The following PTPRK variants were observed in gnomAD, a reference collection of about 807,000 sequenced individuals.
PTPRK encodes receptor-type tyrosine-protein phosphatase kappa.
A neutral mutation model predicts 178.0 loss-of-function variants in PTPRK; 75 were observed. The ratio of observed to expected loss-of-function variants is 0.42; its 90% confidence interval spans 0.35 to 0.51. The LOEUF (loss-of-function observed/expected upper bound fraction) is 0.51, where lower values mean the gene tolerates loss of function less well. PTPRK is among the 20% of genes least tolerant of loss of function. The pLI is 0.02. For synonymous variants in PTPRK, 637 were observed against 620.6 expected, an observed-to-expected ratio of 1.03 and a Z score of -0.39; for missense variants, 1,441 against 1,797.8, an observed-to-expected ratio of 0.80 and a Z score of 3.59.
chr6:128,156,985 A>C (rs1226676466), intron 7 of PTPRK, among the ~76,000 whole-genome samples: 1 of 152,010 alleles, frequency 6.6e-6, no homozygotes, highest in Non-Finnish European at 1.5e-5. Flanking sequence ...AAATGGGTAT[A>C]ATAATAACTT....
chr6:128,064,174 T>G (rs1032645317), intron 13 of PTPRK, among the ~76,000 whole-genome samples: 1 of 152,172 alleles, frequency 6.6e-6, no homozygotes, highest in Non-Finnish European at 1.5e-5. Context: ...GATGCAAATG[T>G]TTTCTCTTGT....
intron 10 of PTPRK, among the ~76,000 whole-genome samples, chr6:128,079,808 A>G (rs60472422): frequency 0.025 from 3,799 of 152,198 alleles, 149 homozygotes; most frequent in African/African-American, 0.086. Context: ...CAAACAAAAA[A>G]TTATAGCAAA....
At chr6:128,210,397 A>G (rs1807904019) in intron 6 of PTPRK, among the ~76,000 whole-genome samples, 1 of 128,650 alleles carries the variant, frequency 7.8e-6, no homozygotes, top group African/African-American at 3.0e-5. Context: ...AACAAAATCA[A>G]TGAATTCTCT....
chr6:128,215,255 T>G (rs577154759), intron 6 of PTPRK, among the ~76,000 whole-genome samples: 14 of 152,290 alleles, frequency 9.2e-5, no homozygotes, highest in African/African-American at 3.4e-4. Flanking sequence ...GGTCTTCGGT[T>G]TAGACAGATG....
At chr6:127,998,679 A>C (rs1178042878) in intron 16 of PTPRK, 41 bp downstream of exon 16, 3 of 1,480,190 alleles carry the variant, frequency 2.0e-6, no homozygotes, top group South Asian at 1.4e-5. Context: ...TGAGTATCAT[A>C]GTTAAAAATC....
chr6:128,098,055 T>G (rs192782441), intron 7 of PTPRK, among the ~76,000 whole-genome samples: 9 of 152,236 alleles, frequency 5.9e-5, no homozygotes, highest in Admixed American at 5.2e-4. Flanking sequence ...CCTCTTATGT[T>G]GTTCTGAAAA....
chr6:128,500,565 C>A (rs928740638), intron 1 of PTPRK: 2 of 152,132 alleles, frequency 1.3e-5, no homozygotes, highest in Admixed American at 1.3e-4. Context: ...ACAGGTCACA[C>A]AGAAGAGATT....
chr6:128,164,719 T>TG (rs11366394), intron 7 of PTPRK, among the ~76,000 whole-genome samples: 38 of 150,278 alleles, frequency 2.5e-4, no homozygotes, highest in South Asian at 8.4e-4. Context: ...AATTACAGGC[T>TG]GGGGGGGGAG....
chr6:128,466,585 G>C (rs1024423066), intron 1 of PTPRK, among the ~76,000 whole-genome samples: 81 of 152,072 alleles, frequency 5.3e-4, no homozygotes, highest in Non-Finnish European at 1.6e-4. Context: ...ACTAGCAAGG[G>C]GGATAGTAGG....
chr6:128,213,041 T>A lies in PTPRK; in HGVS notation c.868+5881A>T, dbSNP rs71567300. Among the ~76,000 whole-genome samples, 3 of 152,174 alleles carry A rather than the reference T, an allele frequency of 2.0e-5. No homozygotes were observed. In the East Asian group the frequency reaches 5.8e-4, roughly 29 times the overall value. ...TTCATATTAGATTTAAAAGCCATAA[T>A]TTTTCTACTACTCTTAAATAAACAT... is the stretch of plus-strand genomic sequence containing the variant. On this transcript the variant is annotated intron_variant, in intron 6 of 29. Transcript: ENST00000368226.
At chr6:128,135,580 T>C (rs1425406444) in intron 7 of PTPRK, among the ~76,000 whole-genome samples, 1 of 152,204 alleles carries the variant, frequency 6.6e-6, no homozygotes, top group Non-Finnish European at 1.5e-5. Flanking sequence ...GAAAGGTGTA[T>C]GGCCAGCCTG....
Position 128,493,373 on chromosome 6 carries a change from T to C in PTPRK, c.100+26886A>G, listed in dbSNP as rs187317403. Among the ~76,000 whole-genome samples the C allele has an allele frequency of 9.5e-3, 1,443 of 152,102 alleles. 28 individuals carry two copies. Among genetic ancestry groups the C allele is most frequent in the African/African-American group, 0.032 (1,342 of 41,488 alleles). Reference sequence around the variant, plus strand: ...GTCAGGAGATCAAGACCATCCTGGCTAACACAGTGAAACCCTGTCTCTACT... The same window carrying C: ...GTCAGGAGATCAAGACCATCCTGGCCAACACAGTGAAACCCTGTCTCTACT... On this transcript the variant is annotated intron_variant, in intron 1 of 29. Coordinates refer to ENST00000368226, the MANE Select transcript of PTPRK (RefSeq NM_002844.4).
At chr6:128,136,462 G>T (rs954161469) in intron 7 of PTPRK, among the ~76,000 whole-genome samples, 4 of 152,060 alleles carry the variant, frequency 2.6e-5, no homozygotes, top group African/African-American at 9.7e-5. Flanking sequence ...TAATAAAATG[G>T]CATCCTTAGG....
intron 2 of PTPRK, among the ~76,000 whole-genome samples, chr6:128,356,246 A>G (rs539535736): frequency 6.6e-6 from 1 of 152,038 alleles, no homozygotes; most frequent in Non-Finnish European, 1.5e-5. Flanking sequence ...AATCTCCTCC[A>G]TTTTAACAAC....
At chr6:128,369,264 C>T (rs1835943605) in intron 2 of PTPRK, among the ~76,000 whole-genome samples, 1 of 152,068 alleles carries the variant, frequency 6.6e-6, no homozygotes, top group Non-Finnish European at 1.5e-5. Context: ...AGAGTGAGCT[C>T]TTTTCCAAAG....
rs576562738 is a variant in PTPRK at position 128,248,851 on chromosome 6, C to T, written c.496-6249G>A. ...AACTTTCAAAAAATTTTTCTTATTA[C>T]TTTTAAGGTAAGAAACACTTAAACT... On this transcript the variant is annotated intron_variant, in intron 3 of 29. Coordinates refer to ENST00000368226, the MANE Select transcript of PTPRK (RefSeq NM_002844.4). Among the ~76,000 whole-genome samples, 30 of 152,234 alleles carry T rather than the reference C, an allele frequency of 2.0e-4. No individual in the cohort carries two copies. The South Asian group carries it at 5.0e-3, about 25-fold the overall frequency.
At chr6:128,391,011 T>C (rs190588530) in intron 2 of PTPRK, among the ~76,000 whole-genome samples, 2 of 152,184 alleles carry the variant, frequency 1.3e-5, no homozygotes, top group East Asian at 1.9e-4. Context: ...CAGGGTGGTA[T>C]AGAGAAAGGG....
intron 13 of PTPRK, among the ~76,000 whole-genome samples, chr6:128,048,459 A>G (rs923501429): frequency 1.3e-5 from 2 of 152,116 alleles, no homozygotes; most frequent in African/African-American, 4.8e-5. Flanking sequence ...CCTGCCCTAC[A>G]TGGGTGATGC....
chr6:128,016,930 T>G (rs571319962), intron 13 of PTPRK, among the ~76,000 whole-genome samples: 6 of 152,134 alleles, frequency 3.9e-5, no homozygotes, highest in African/African-American at 1.4e-4. Context: ...ATTTTATTCT[T>G]AGAGGAAACA....
Sources: gnomAD v4.1 joint callset for allele counts (sites outside exome capture counted in the v4.1 genomes callset) on GRCh38, gnomAD v4.1.1 for gene constraint, MANE v1.5 for transcripts, NCBI Gene and HGNC (gene_info 2026-07-23, HGNC 2026-07-21) for gene names.